The following IQSEC1 variants were observed in gnomAD, a reference collection of about 807,000 sequenced individuals.
The protein encoded by IQSEC1 is IQ motif and SEC7 domain-containing protein 1.
In IQSEC1, 31 loss-of-function variants were observed where a neutral mutation model predicts 91.0. The observed-to-expected ratio is 0.34, with a 90% CI of 0.26 to 0.46. The LOEUF (loss-of-function observed/expected upper bound fraction) is 0.46, where lower values mean the gene tolerates loss of function less well. Among genes scored for constraint, IQSEC1 ranks in the 20% least tolerant of loss-of-function variants. IQSEC1 has a pLI of 1.00. For synonymous variants in IQSEC1, 699 were observed against 662.6 expected (o/e 1.05, Z -0.84); for missense variants, 1,388 against 1,575.6 (o/e 0.88, Z 2.02).
At chr3:12,988,345 G>C (rs1477996200) in intron 1 of IQSEC1, among the ~76,000 whole-genome samples, 1 of 152,164 alleles carries the variant, frequency 6.6e-6, no homozygotes, top group Admixed American at 6.5e-5. Flanking sequence ...AACCCGGGAA[G>C]TGCAGGTTGC....
At chr3:13,046,890 G>A (rs577183683) in intron 1 of IQSEC1, among the ~76,000 whole-genome samples, 1 of 152,320 alleles carries the variant, frequency 6.6e-6, no homozygotes, top group South Asian at 2.1e-4. Context: ...TCTTGCCCAC[G>A]AGACTGGAAC....
At chr3:13,108,084 A>C (rs1036081027) in intron 2 of IQSEC1, among the ~76,000 whole-genome samples, 1 of 152,244 alleles carries the variant, frequency 6.6e-6, no homozygotes, top group African/African-American at 2.4e-5. Context: ...GGAACCCACC[A>C]GTCTACCTTT....
chr3:13,200,105 G>A (rs1226994314), intron 1 of IQSEC1, among the ~76,000 whole-genome samples: 1 of 140,170 alleles, frequency 7.1e-6, no homozygotes, highest in East Asian at 2.1e-4. Context: ...GCGCGCGCAC[G>A]CACACACACA....
chr3:13,249,780 A>G (rs1476312399), intron 1 of IQSEC1, among the ~76,000 whole-genome samples: 1 of 152,220 alleles, frequency 6.6e-6, no homozygotes, highest in Non-Finnish European at 1.5e-5. Flanking sequence ...ACTCCAAGGA[A>G]GCACAGAGGA....
chr3:13,151,196 G>GCAGC (rs1191147065), intron 2 of IQSEC1, among the ~76,000 whole-genome samples: 3 of 152,230 alleles, frequency 2.0e-5, no homozygotes, highest in African/African-American at 7.2e-5. Flanking sequence ...CTATGTCTCA[G>GCAGC]CAGCCACATG....
intron 2 of IQSEC1, among the ~76,000 whole-genome samples, chr3:13,083,286 G>A (rs185904604): frequency 6.6e-6 from 1 of 152,236 alleles, no homozygotes; most frequent in African/African-American, 2.4e-5. Context: ...GAAGGTGGCA[G>A]TTCTCACATT....
chr3:12,897,775 C>T lies in IQSEC1; in HGVS notation c.*3208G>A, dbSNP rs1035292222. The T allele has an allele frequency of 1.3e-5, 2 of 152,068 alleles. No homozygotes were observed. Among genetic ancestry groups the T allele is most frequent in the African/African-American group, 2.4e-5 (1 of 41,444 alleles). The allele number at this position is 152,068 out of a possible 1,614,324, so 9.4% of individuals were successfully genotyped here. A position where few individuals can be genotyped will look rare whatever the true frequency, so the allele number is the denominator to read the frequency against. ...AGCATCAGCTGTGAACATCTGCTGT[C>T]TTTTCAGCTCATTAAGAAAAACAAG... On this transcript the variant is annotated 3_prime_UTR_variant, in exon 14 of 14. Coordinates refer to ENST00000613206, the MANE Select transcript of IQSEC1 (RefSeq NM_001134382.3).
In IQSEC1 at chr3:12,899,013, C is replaced by T. The variant is rs568477468; in HGVS notation, c.*1970G>A. 45 of 242,342 alleles carry T rather than the reference C, an allele frequency of 1.9e-4. No individual in the cohort carries two copies. Among genetic ancestry groups the T allele is most frequent in the Admixed American group, 8.6e-4 (17 of 19,662 alleles). 15.0% of individuals were successfully genotyped at this position (242,342 alleles called of 1,614,324 possible). On this transcript the variant is annotated 3_prime_UTR_variant, in exon 14 of 14. Coordinates refer to ENST00000613206, the MANE Select transcript of IQSEC1 (RefSeq NM_001134382.3). ...CTGAGCAGACACCAAAGAAATGCCA[C>T]GCCAATGGGAGGACACAGGTGGGCG...
chr3:13,146,710 G>A (rs1234723891), intron 2 of IQSEC1, among the ~76,000 whole-genome samples: 1 of 152,158 alleles, frequency 6.6e-6, no homozygotes, highest in East Asian at 1.9e-4. Context: ...CGTGATGGGG[G>A]ACGCCTGTAA....
At chr3:12,964,646 G>A (rs1477007403) in intron 1 of IQSEC1, among the ~76,000 whole-genome samples, 1 of 152,172 alleles carries the variant, frequency 6.6e-6, no homozygotes, top group Non-Finnish European at 1.5e-5. Flanking sequence ...AACAGGCTTG[G>A]AGGGGTGTGG....
chr3:13,003,160 G>A (rs2124845736), intron 1 of IQSEC1, among the ~76,000 whole-genome samples: 1 of 150,378 alleles, frequency 6.6e-6, no homozygotes, highest in East Asian at 2.0e-4. Flanking sequence ...AAAAAGGAAT[G>A]AAAGACCAGG....
intron 1 of IQSEC1, among the ~76,000 whole-genome samples, chr3:13,276,922 T>A (rs1695693646): frequency 6.6e-6 from 1 of 151,932 alleles, no homozygotes; most frequent in Non-Finnish European, 1.5e-5. Flanking sequence ...GACTGCCTCC[T>A]GGCCCCACCG....
intron 1 of IQSEC1, among the ~76,000 whole-genome samples, chr3:13,046,621 G>A (rs930036376): frequency 3.3e-5 from 5 of 152,126 alleles, no homozygotes; most frequent in African/African-American, 9.7e-5. Flanking sequence ...TTAGCAGGAC[G>A]AAGCTCCCTC....
Position 12,901,351 on chromosome 3 carries a change from GCA to G in IQSEC1, c.2975_2976del (p.Leu992ProfsTer200). The G allele has an allele frequency of 6.6e-7, 1 of 1,514,396 alleles. No homozygotes were observed. The highest frequency in any genetic ancestry group is 8.9e-7 in the Non-Finnish European group (1 of 1,123,836). The allele number at this position is 1,514,396 out of a possible 1,614,324, so 93.8% of individuals were successfully genotyped here. A position where few individuals can be genotyped will look rare whatever the true frequency, so the allele number is the denominator to read the frequency against. The part of the protein sequence containing the change: ...PQAHLPSAPA[L>X]PPPHPPVVLP... ...AGGACCACCGGTGGGTGGGGGGGTG[GCA>G]GGGCTGGGGCTGAGGGCAGGTGGGC... On this transcript the variant is annotated frameshift_variant, in exon 14 of 14. Transcript: ENST00000613206. LOFTEE classifies it low-confidence loss of function (END_TRUNC).
chr3:13,110,373 G>A (rs1228638872), intron 2 of IQSEC1, among the ~76,000 whole-genome samples: 3 of 151,872 alleles, frequency 2.0e-5, no homozygotes, highest in Non-Finnish European at 4.4e-5. Flanking sequence ...GGAGGATCAC[G>A]AGGTCAGGAG....
intron 1 of IQSEC1, among the ~76,000 whole-genome samples, chr3:13,068,502 T>C (rs1252541329): frequency 6.6e-6 from 1 of 152,298 alleles, no homozygotes; most frequent in East Asian, 1.9e-4. Flanking sequence ...CACCCCCTCA[T>C]GGTTGGGAGG....
chr3:13,130,226 C>A (rs1706588033), intron 2 of IQSEC1, among the ~76,000 whole-genome samples: 1 of 151,344 alleles, frequency 6.6e-6, no homozygotes, highest in African/African-American at 2.4e-5. Context: ...CGCCTGTACT[C>A]CCAGCTACTC....
chr3:12,978,078 G>A (rs1056979872), intron 1 of IQSEC1, among the ~76,000 whole-genome samples: 14 of 152,250 alleles, frequency 9.2e-5, no homozygotes, highest in Non-Finnish European at 1.8e-4. Flanking sequence ...GGGAGTGAAA[G>A]TAATTCACAA....
intron 1 of IQSEC1, among the ~76,000 whole-genome samples, chr3:13,260,691 G>A (rs1338694676): frequency 2.0e-5 from 3 of 152,226 alleles, no homozygotes; most frequent in African/African-American, 4.8e-5. Flanking sequence ...TGCAGGGACT[G>A]AGGACACAGA....
Sources: gnomAD v4.1 joint callset for allele counts (sites outside exome capture counted in the v4.1 genomes callset) on GRCh38, gnomAD v4.1.1 for gene constraint, MANE v1.5 for transcripts, NCBI Gene and HGNC (gene_info 2026-07-23, HGNC 2026-07-21) for gene names.